The following LARGE1 variants were observed in gnomAD, a reference collection of about 807,000 sequenced individuals.
The protein encoded by LARGE1 is xylosyl- and glucuronyltransferase LARGE1.
In LARGE1, 43 loss-of-function variants were observed where a neutral mutation model predicts 87.6. That is an observed-to-expected ratio of 0.49 (90% CI 0.38 to 0.63). LARGE1 has a LOEUF of 0.63. LARGE1 is among the 30% of genes least tolerant of loss of function. LARGE1 has a pLI of 0.00. For missense variants in LARGE1, 802 were observed against 1,000.2 expected (o/e 0.80, Z 2.67); for synonymous variants, 434 against 394.6 (o/e 1.10, Z -1.18).
At chr22:33,436,008 A>G (rs2067256423) in intron 6 of LARGE1, among the ~76,000 whole-genome samples, 1 of 152,206 alleles carries the variant, frequency 6.6e-6, no homozygotes, top group South Asian at 2.1e-4. Context: ...TTAGCCTCTC[A>G]ACGGTGTTGA....
chr22:33,759,469 C>G (rs74360788), intron 2 of LARGE1, among the ~76,000 whole-genome samples: 8 of 152,134 alleles, frequency 5.3e-5, no homozygotes, highest in Non-Finnish European at 1.0e-4. Flanking sequence ...CTCATCCCCC[C>G]CATCTGTAAA....
At chr22:33,078,932 G>C in the LARGE1 span, among the ~76,000 whole-genome samples, 3 of 152,326 alleles carry the variant, frequency 2.0e-5, no homozygotes, top group East Asian at 5.8e-4. Flanking sequence ...ACGTGCAAAG[G>C]CATGGAAGTG....
Position 33,784,904 on chromosome 22 carries a change from ATTATATG to A in LARGE1, c.-82-23353_-82-23347del, listed in dbSNP as rs1276366051. On this transcript the variant is annotated intron_variant, in intron 1 of 14. Coordinates refer to ENST00000397394, the MANE Select transcript of LARGE1 (RefSeq NM_133642.5). ...TATTTGTACAGTATATATACTGTAT[ATTATATG>A]TGTGTGTATATACATATATGTATAT... Among the ~76,000 whole-genome samples, 11 of 122,142 alleles carry A rather than the reference ATTATATG, an allele frequency of 9.0e-5. No homozygotes were observed. In the South Asian group the frequency reaches 2.7e-3, roughly 30 times the overall value. 80.1% of individuals were successfully genotyped at this position (122,142 alleles called of 152,430 possible).
At chr22:33,751,011 C>T (rs933264508) in intron 2 of LARGE1, among the ~76,000 whole-genome samples, 1 of 152,204 alleles carries the variant, frequency 6.6e-6, no homozygotes, top group Non-Finnish European at 1.5e-5. Context: ...GAAAATTCCT[C>T]TCATCTAAAA....
intron 2 of LARGE1, among the ~76,000 whole-genome samples, chr22:33,740,422 A>C (rs1242829332): frequency 1.3e-5 from 2 of 152,180 alleles, no homozygotes; most frequent in Non-Finnish European, 2.9e-5. Context: ...TTACTCATTA[A>C]TCAGTGTTTC....
At chr22:33,796,905 C>T (rs2146035397) in intron 1 of LARGE1, among the ~76,000 whole-genome samples, 1 of 151,656 alleles carries the variant, frequency 6.6e-6, no homozygotes, top group Admixed American at 6.6e-5. Context: ...GCTGGGATTA[C>T]AGGGGCACAC....
At chr22:33,810,985 G>A (rs2086477541) in intron 1 of LARGE1, among the ~76,000 whole-genome samples, 4 of 152,164 alleles carry the variant, frequency 2.6e-5, no homozygotes, top group Admixed American at 2.6e-4. Flanking sequence ...GCTTCCCAAA[G>A]TGATTTTTTT....
chr22:33,188,245 G>A (rs957514130), intron 11 of LARGE1, among the ~76,000 whole-genome samples: 9 of 151,980 alleles, frequency 5.9e-5, no homozygotes, highest in African/African-American at 2.2e-4. Flanking sequence ...GACAGACTAA[G>A]ACACGAAATT....
intron 5 of LARGE1, among the ~76,000 whole-genome samples, chr22:33,602,438 A>G (rs552535652): frequency 1.3e-5 from 2 of 152,282 alleles, no homozygotes; most frequent in Non-Finnish European, 2.9e-5. Context: ...ATACAGTGGT[A>G]CGATCATAGC....
At chr22:33,194,511 T>C (rs1439848466) in intron 11 of LARGE1, among the ~76,000 whole-genome samples, 1 of 152,202 alleles carries the variant, frequency 6.6e-6, no homozygotes. Flanking sequence ...TGGATTTTAG[T>C]CTCTTCTGAG....
At chr22:33,371,653 T>C (rs150434632) in intron 9 of LARGE1, among the ~76,000 whole-genome samples, 91 of 152,262 alleles carry the variant, frequency 6.0e-4, no homozygotes, top group Non-Finnish European at 1.1e-3. Context: ...GTAATCTAGG[T>C]GAATTGTTAA....
At chr22:33,844,802 C>A (rs369632941) in intron 1 of LARGE1, among the ~76,000 whole-genome samples, 3 of 151,526 alleles carry the variant, frequency 2.0e-5, no homozygotes, top group African/African-American at 4.9e-5. Context: ...CTCACTGCAA[C>A]CTCCGCCTCC....
chr22:33,853,090 G>C (rs1357434895), intron 1 of LARGE1, among the ~76,000 whole-genome samples: 1 of 151,916 alleles, frequency 6.6e-6, no homozygotes. Context: ...ATTAATCCAA[G>C]GAGAAATTAA....
intron 9 of LARGE1, among the ~76,000 whole-genome samples, chr22:33,340,346 C>T (rs983861973): frequency 6.6e-6 from 1 of 151,768 alleles, no homozygotes; most frequent in East Asian, 1.9e-4. Flanking sequence ...AATCAGATGG[C>T]CTCTCACAGT....
intron 5 of LARGE1, among the ~76,000 whole-genome samples, chr22:33,574,395 G>A (rs1329068446): frequency 6.6e-6 from 1 of 151,834 alleles, no homozygotes; most frequent in East Asian, 1.9e-4. Flanking sequence ...TTGTTATACT[G>A]TATTGTTTTG....
chr22:33,638,240 G>A (rs1047587836), intron 3 of LARGE1, among the ~76,000 whole-genome samples: 1 of 151,810 alleles, frequency 6.6e-6, no homozygotes, highest in Non-Finnish European at 1.5e-5. Context: ...ATACTGTAAG[G>A]TTAGTTAGGA....
At chr22:33,393,024 T>C (rs1025311713) in intron 7 of LARGE1, among the ~76,000 whole-genome samples, 6 of 152,162 alleles carry the variant, frequency 3.9e-5, no homozygotes, top group Non-Finnish European at 1.5e-5. Context: ...AGCTAAGAGA[T>C]ACATCCACAG....
intron 11 of LARGE1, among the ~76,000 whole-genome samples, chr22:33,224,714 A>T (rs1925645455): frequency 6.6e-6 from 1 of 152,152 alleles, no homozygotes; most frequent in African/African-American, 2.4e-5. Flanking sequence ...CCCAACCTGC[A>T]TGCCTTGTCA....
At chr22:33,511,423 G>T (rs1487563142) in intron 6 of LARGE1, among the ~76,000 whole-genome samples, 1 of 152,150 alleles carries the variant, frequency 6.6e-6, no homozygotes, top group Admixed American at 6.5e-5. Flanking sequence ...GAGTGAGGGG[G>T]GATTCAGCTT....
Sources: allele counts gnomAD v4.1 joint callset (sites outside exome capture counted in the v4.1 genomes callset), GRCh38; gene constraint gnomAD v4.1.1; transcripts MANE v1.5; gene names NCBI Gene and HGNC (gene_info 2026-07-23, HGNC 2026-07-21).